MYC: variants seen among roughly 807,000 people sequenced by gnomAD.
The protein encoded by MYC is myc proto-oncogene protein.
Under a neutral mutation model 30.5 loss-of-function variants are expected in MYC, and 1 was observed. The ratio of observed to expected loss-of-function variants is 0.03; its 90% CI spans 0.01 to 0.16. The LOEUF is 0.16. Ranked by LOEUF, MYC falls within the 10% of genes least tolerant of loss-of-function variation. The pLI, the probability that MYC is intolerant of heterozygous loss-of-function variation, is 1.00. For synonymous variants in MYC, 267 were observed against 250.7 expected (o/e 1.07, Z -0.62); for missense variants, 508 against 589.0 (o/e 0.86, Z 1.42).
chr8:127,736,089 C>A, upstream of MYC: 1 of 425,908 alleles, frequency 2.3e-6, no homozygotes, highest in Non-Finnish European at 4.1e-6. Context: ...CTGTGCTGCT[C>A]GCGGCCGCCA....
chr8:127,735,508 C>T (rs1813565573), upstream of MYC: 2 of 399,260 alleles, frequency 5.0e-6, no homozygotes, highest in Admixed American at 4.4e-5. Flanking sequence ...TTCTAGGCAT[C>T]GTTTTCCTCC....
chr8:127,739,219 GC>G (rs1213340198), intron 2 of MYC, among the ~76,000 whole-genome samples, 200 bp downstream of exon 2: 5 of 152,120 alleles, frequency 3.3e-5, no homozygotes, highest in Non-Finnish European at 5.9e-5. Context: ...CATGTTTGCA[GC>G]CCCCCTCCCC....
At chr8:127,739,136 GA>G in intron 2 of MYC, 117 bp downstream of exon 2, 2 of 1,158,048 alleles carry the variant, frequency 1.7e-6, no homozygotes, top group Non-Finnish European at 2.3e-6. Flanking sequence ...CAGATCTGGA[GA>G]GATTTGGGAG....
At position 127,740,943 on chromosome 8, in the gene MYC, G is replaced by A. The variant is rs1813701001; in HGVS notation, c.1350G>A (p.Arg450=). Residue 450 remains arginine (R), a synonymous_variant, in exon 3 of 3, where the codon CGG becomes CGA. Coordinates refer to ENST00000621592, the MANE Select transcript of MYC (RefSeq NM_002467.6). The stretch of plus-strand genomic sequence containing the variant: ...TGAAACACAAACTTGAACAGCTACG[G>A]AACTCTTGTGCGTAAGGAAAAGTAA... The A allele has an allele frequency of 6.4e-7, 1 of 1,571,090 alleles. No individual in the cohort carries two copies. Among genetic ancestry groups the A allele is most frequent in the Admixed American group, 2.0e-5 (1 of 50,480 alleles).
Position 127,740,604 on chromosome 8 carries a change from C to T in MYC, c.1011C>T (p.Ala337=). The T allele has an allele frequency of 2.5e-6, 4 of 1,614,000 alleles. No individual in the cohort carries two copies. The highest frequency in any genetic ancestry group is 3.4e-6 in the Non-Finnish European group (4 of 1,180,012). Residue 337 remains alanine (A), a synonymous_variant, in exon 3 of 3, where the codon GCC becomes GCT. Transcript: ENST00000621592. ...CCACTCGGAAGGACTATCCTGCTGC[C>T]AAGAGGGTCAAGTTGGACAGTGTCA...
At chr8:127,739,126 C>T in intron 2 of MYC, 107 bp downstream of exon 2, 1 of 1,242,414 alleles carries the variant, frequency 8.0e-7, no homozygotes, top group Non-Finnish European at 1.1e-6. Flanking sequence ...GGAGAGATAG[C>T]AGATCTGGAG....
rs760785153 is a variant in MYC, at chr8:127,738,655, G to A, written c.438G>A (p.Gln146=). The stretch of plus-strand genomic sequence containing the variant: ...CCTTCATCAAAAACATCATCATCCA[G>A]GACTGTATGTGGAGCGGCTTCTCGG... The change falls in exon 2 of 3, where the codon CAG becomes CAA. Residue 146 remains glutamine (Q), a synonymous_variant. Coordinates refer to ENST00000621592, the MANE Select transcript of MYC (RefSeq NM_002467.6). This position sits in a 1 kb window ranked among gnomAD's most constrained non-coding sequence, Gnocchi z 7.6. 18 of 1,614,020 alleles carry A rather than the reference G, an allele frequency of 1.1e-5. No individual in the cohort carries two copies. The East Asian group carries it at 3.3e-4, about 30-fold the overall frequency.
rs2130096981 is a variant in MYC at position 127,738,850 on chromosome 8, C to A, written c.633C>A (p.Pro211=). The change falls in exon 2 of 3, where the codon CCC becomes CCA. Residue 211 remains proline, a synonymous_variant. Transcript: ENST00000621592. The surrounding 1 kb of genome is among the most constrained non-coding windows in gnomAD (Gnocchi z 7.6). ...GCATCGACCCCTCGGTGGTCTTCCC[C>A]TACCCTCTCAACGACAGCAGCTCGC... 6.2e-7 allele frequency: 1 copy of A among 1,612,282 alleles called. No individual in the cohort carries two copies. The highest frequency in any genetic ancestry group is 8.5e-7 in the Non-Finnish European group (1 of 1,179,814).
intron 2 of MYC, among the ~76,000 whole-genome samples, chr8:127,739,981 T>C (rs1487443940): frequency 6.6e-6 from 1 of 150,912 alleles, no homozygotes; most frequent in Admixed American, 6.6e-5. Flanking sequence ...TTTTTTTTTT[T>C]CCTTTTTTAA....
chr8:127,736,106 G>T (rs952731683), upstream of MYC: 2 of 424,852 alleles, frequency 4.7e-6, no homozygotes, highest in Non-Finnish European at 8.3e-6. Context: ...GCCACCGCCG[G>T]GCCCCGGCCG....
At position 127,741,261 on chromosome 8, in the gene MYC, G is replaced by T; in HGVS notation, c.*303G>T. On this transcript the variant is annotated 3_prime_UTR_variant, in exon 3 of 3. Transcript: ENST00000621592. ...TAAATGTAAATAACTTTAATAAAAC[G>T]TTTATAGCAGTTACACAGAATTTCA... 1 of 285,738 alleles carries T rather than the reference G, an allele frequency of 3.5e-6. No homozygotes were observed. The highest frequency in any genetic ancestry group is 6.6e-6 in the Non-Finnish European group (1 of 152,548). The allele number at this position is 285,738 out of a possible 1,614,324, so 17.7% of individuals were successfully genotyped here.
At chr8:127,737,889 T>C (rs1213276636) in intron 1 of MYC, among the ~76,000 whole-genome samples, 1 of 152,108 alleles carries the variant, frequency 6.6e-6, no homozygotes, top group Non-Finnish European at 1.5e-5. Context: ...TTTTGGCAAA[T>C]TGTTTTCCTC....
intron 2 of MYC, among the ~76,000 whole-genome samples, chr8:127,740,071 G>C (rs950379472): frequency 6.6e-6 from 1 of 151,086 alleles, no homozygotes; most frequent in African/African-American, 2.4e-5. Flanking sequence ...AGATTCTCCT[G>C]CCTCAGCCTC....
chr8:127,736,488 C>A lies in MYC; in HGVS notation c.-106C>A. The stretch of plus-strand genomic sequence containing the variant: ...GGAACTTACAACACCCGAGCAAGGA[C>A]GCGACTCTCCCGACGCGGGGAGGCT... On this transcript the variant is annotated 5_prime_UTR_variant, in exon 1 of 3. Transcript: ENST00000621592. 1.5e-6 allele frequency: 2 copies of A among 1,290,394 alleles called. No homozygotes were observed. Among genetic ancestry groups the A allele is most frequent in the South Asian group, 1.3e-5 (1 of 79,818 alleles). The allele number at this position is 1,290,394 out of a possible 1,614,324, so 79.9% of individuals were successfully genotyped here.
At chr8:127,736,217 T>C (rs1490182484), upstream of MYC, 1 of 496,692 alleles carries the variant, frequency 2.0e-6, no homozygotes, top group Non-Finnish European at 3.5e-6. Context: ...AAGCCGGTTT[T>C]CGGGGCTTTA....
At chr8:127,735,931 T>TACCCC, upstream of MYC, 6 of 386,724 alleles carry the variant, frequency 1.6e-5, no homozygotes, top group East Asian at 7.3e-5. Flanking sequence ...CTCCCCACCT[T>TACCCC]CCCCACCCTC....
chr8:127,736,241 A>T lies in MYC; in HGVS notation c.-353A>T. The T allele has an allele frequency of 1.9e-6, 1 of 529,402 alleles. No homozygotes were observed. 32.8% of individuals were successfully genotyped at this position (529,402 alleles called of 1,614,324 possible). On this transcript the variant is annotated 5_prime_UTR_variant, in exon 1 of 3. Coordinates refer to ENST00000621592, the MANE Select transcript of MYC (RefSeq NM_002467.6). The stretch of plus-strand genomic sequence containing the variant: ...TTCGGGGCTTTATCTAACTCGCTGT[A>T]GTAATTCCAGCGAGAGGCAGAGGGA...
upstream of MYC, chr8:127,736,065 T>A (rs1813581014): frequency 2.5e-6 from 1 of 406,552 alleles, no homozygotes; most frequent in South Asian, 1.1e-4. Flanking sequence ...TCTGGACGGC[T>A]GAGGACCCCC....
At chr8:127,737,629 C>G (rs1287027104) in intron 1 of MYC, among the ~76,000 whole-genome samples, 2 of 136,872 alleles carry the variant, frequency 1.5e-5, no homozygotes, top group East Asian at 2.4e-4. Context: ...CCACTCCAGC[C>G]GGCGAGAGAA....
Sources: allele counts gnomAD v4.1 joint callset (sites outside exome capture counted in the v4.1 genomes callset), GRCh38; gene constraint gnomAD v4.1.1; non-coding constraint Gnocchi (gnomAD v3.1); transcripts MANE v1.5; gene names NCBI Gene and HGNC (gene_info 2026-07-23, HGNC 2026-07-21).